FMN1: variants seen among roughly 807,000 people sequenced by gnomAD.
FMN1 encodes formin-1.
Under a neutral mutation model 132.4 loss-of-function variants are expected in FMN1, and 110 were observed. That is an observed-to-expected ratio of 0.83 (90% CI 0.71 to 0.97). The LOEUF is 0.97. Ranked by LOEUF, FMN1 falls within the 50% of genes least tolerant of loss-of-function variation. FMN1 has a pLI of 0.00. For synonymous variants in FMN1, 722 were observed against 651.7 expected (o/e 1.11, Z -1.64); for missense variants, 1,792 against 1,705.3 (o/e 1.05, Z -0.90).
At chr15:32,856,910 C>A in intron 17 of FMN1, 105 bp downstream of exon 17, 2 of 760,236 alleles carry the variant, frequency 2.6e-6, no homozygotes, top group South Asian at 3.2e-5. Context: ...ACCAGAGCTG[C>A]CTGTGGTCAG....
At chr15:33,024,377 G>C (rs1156477825) in intron 6 of FMN1, among the ~76,000 whole-genome samples, 1 of 151,834 alleles carries the variant, frequency 6.6e-6, no homozygotes, top group East Asian at 1.9e-4. Flanking sequence ...GTCCTGAGTA[G>C]CCAGGACTAC....
intron 17 of FMN1, among the ~76,000 whole-genome samples, chr15:32,847,291 T>TGG: frequency 6.6e-6 from 1 of 151,540 alleles, no homozygotes; most frequent in South Asian, 2.1e-4. Flanking sequence ...TGTGTGTATG[T>TGG]GTGTGTGTGT....
At chr15:33,080,887 CAA>C (rs34365750) in intron 5 of FMN1, among the ~76,000 whole-genome samples, 5 of 119,866 alleles carry the variant, frequency 4.2e-5, no homozygotes, top group Admixed American at 2.7e-4. Context: ...AACTCCGTCT[CAA>C]AAAAAAAAAA....
chr15:32,988,650 G>A (rs941110567), intron 7 of FMN1, among the ~76,000 whole-genome samples: 24 of 152,202 alleles, frequency 1.6e-4, no homozygotes, highest in Middle Eastern at 3.2e-3. Flanking sequence ...TTTCCTGCCT[G>A]CGTGGTCTTG....
intron 6 of FMN1, among the ~76,000 whole-genome samples, chr15:33,058,264 C>T (rs1384436338): frequency 2.0e-5 from 3 of 152,044 alleles, no homozygotes; most frequent in Admixed American, 6.5e-5. Flanking sequence ...AGAAAGACGA[C>T]GACTGAAAAA....
intron 6 of FMN1, among the ~76,000 whole-genome samples, chr15:33,018,354 C>G (rs544264325): frequency 6.6e-6 from 1 of 151,924 alleles, no homozygotes; most frequent in Non-Finnish European, 1.5e-5. Flanking sequence ...CCTGAAAGAC[C>G]AAGACATGAT....
intron 17 of FMN1, among the ~76,000 whole-genome samples, chr15:32,825,815 A>G (rs2141129303): frequency 6.6e-6 from 1 of 152,284 alleles, no homozygotes; most frequent in East Asian, 1.9e-4. Flanking sequence ...GAGATCTTTA[A>G]GCCGGGAGAC....
At chr15:33,000,573 G>C (rs1363459335) in intron 7 of FMN1, among the ~76,000 whole-genome samples, 1 of 151,874 alleles carries the variant, frequency 6.6e-6, no homozygotes, top group Non-Finnish European at 1.5e-5. Context: ...TCGTGCCCAA[G>C]AGTTCGAGAC....
chr15:33,166,756 A>G (rs1020996390), intron 3 of FMN1, among the ~76,000 whole-genome samples: 1 of 152,240 alleles, frequency 6.6e-6, no homozygotes, highest in Non-Finnish European at 1.5e-5. Context: ...CACGAAATCC[A>G]TCCTAAGAGT....
intron 5 of FMN1, among the ~76,000 whole-genome samples, chr15:33,069,997 T>C (rs868359606): frequency 3.9e-4 from 41 of 106,382 alleles, no homozygotes; most frequent in South Asian, 1.1e-3. Context: ...CTTTCTCTTT[T>C]TTTTTTTTTT....
At chr15:32,922,844 T>C (rs868228453) in intron 10 of FMN1, among the ~76,000 whole-genome samples, 2 of 152,374 alleles carry the variant, frequency 1.3e-5, no homozygotes, top group African/African-American at 4.8e-5. Flanking sequence ...TGTTTATGCC[T>C]GTTTCTTTGC....
At chr15:33,176,413 G>A (rs1345139318) in intron 3 of FMN1, among the ~76,000 whole-genome samples, 1 of 150,216 alleles carries the variant, frequency 6.7e-6, no homozygotes, top group Non-Finnish European at 1.5e-5. Context: ...GGCTGAGACA[G>A]GAGAATTGCT....
chr15:32,815,756 C>G (rs1413270229), intron 17 of FMN1, among the ~76,000 whole-genome samples: 1 of 152,164 alleles, frequency 6.6e-6, no homozygotes, highest in African/African-American at 2.4e-5. Context: ...TGGCCTAGCA[C>G]AGTCAGATTG....
chr15:33,054,994 A>C (rs1387815154), intron 6 of FMN1, among the ~76,000 whole-genome samples: 1 of 152,088 alleles, frequency 6.6e-6, no homozygotes, highest in Non-Finnish European at 1.5e-5. Context: ...ATCTGAATGG[A>C]CTCTCTCCTC....
Position 32,969,828 on chromosome 15 carries a change from G to C in FMN1, c.2224-351C>G, listed in dbSNP as rs369874931. Among the ~76,000 whole-genome samples, 143 of 152,202 alleles carry C rather than the reference G, an allele frequency of 9.4e-4. 1 individual carries two copies. Among genetic ancestry groups the C allele is most frequent in the Middle Eastern group, 3.4e-3 (1 of 294 alleles). On this transcript the variant is annotated intron_variant, in intron 7 of 20. Transcript: ENST00000616417. Reference sequence around the variant, plus strand: ...TTTGGACATGCTTGAATATCTATCTGTTTTACAACTTTTCGGGTTGGTTTC... The same window carrying C: ...TTTGGACATGCTTGAATATCTATCTCTTTTACAACTTTTCGGGTTGGTTTC...
intron 19 of FMN1, among the ~76,000 whole-genome samples, chr15:32,786,821 G>A (rs2056895258): frequency 6.6e-6 from 1 of 152,168 alleles, no homozygotes. Flanking sequence ...TCCAACCACT[G>A]CCTGGTGGCC....
At chr15:33,128,620 G>A (rs749877062) in intron 4 of FMN1, among the ~76,000 whole-genome samples, 11 of 152,298 alleles carry the variant, frequency 7.2e-5, no homozygotes, top group Admixed American at 4.6e-4. Flanking sequence ...GACCTTTGCG[G>A]CAAGTGTTAC....
intron 14 of FMN1, among the ~76,000 whole-genome samples, chr15:32,899,261 C>G (rs2141584742): frequency 6.6e-6 from 1 of 152,298 alleles, no homozygotes; most frequent in East Asian, 1.9e-4. Flanking sequence ...CCCTGCCCGT[C>G]TTTCAAAAAA....
intron 19 of FMN1, among the ~76,000 whole-genome samples, chr15:32,777,394 A>C (rs1401512180): frequency 6.8e-6 from 1 of 146,658 alleles, no homozygotes; most frequent in African/African-American, 2.5e-5. Flanking sequence ...GAAAATATAA[A>C]TATATGTATT....
Sources: allele counts gnomAD v4.1 joint callset (sites outside exome capture counted in the v4.1 genomes callset), GRCh38; gene constraint gnomAD v4.1.1; transcripts MANE v1.5; gene names NCBI Gene and HGNC (gene_info 2026-07-23, HGNC 2026-07-21).